FRK: variants seen among roughly 807,000 people sequenced by gnomAD.
The protein encoded by FRK is fyn related Src family tyrosine kinase.
FRK carries 51 observed loss-of-function variants against 56.4 expected under a neutral mutation model. That is an observed-to-expected ratio of 0.90 (90% CI 0.72 to 1.14). The LOEUF (loss-of-function observed/expected upper bound fraction) is 1.14, where lower values mean the gene tolerates loss of function less well. FRK is among the 50% of genes most tolerant of loss of function. The pLI is 0.00. For missense variants in FRK, 570 were observed against 601.4 expected (o/e 0.95, Z 0.55); for synonymous variants, 245 against 217.9 (o/e 1.12, Z -1.10).
chr6:116,053,689 C>T (rs986615078), intron 1 of FRK, among the ~76,000 whole-genome samples: 1 of 152,094 alleles, frequency 6.6e-6, no homozygotes, highest in South Asian at 2.1e-4. Context: ...TTATTTCACT[C>T]ACATAAGATT....
intron 1 of FRK, among the ~76,000 whole-genome samples, chr6:116,012,047 C>T (rs899497699): frequency 1.3e-5 from 2 of 152,154 alleles, no homozygotes; most frequent in Non-Finnish European, 2.9e-5. Flanking sequence ...CTCACCATAA[C>T]CCTTGTCTAA....
At chr6:116,064,943 T>C (rs1374874944), upstream of FRK, among the ~76,000 whole-genome samples, 1 of 152,212 alleles carries the variant, frequency 6.6e-6, no homozygotes, top group Admixed American at 6.5e-5. Flanking sequence ...TCTGATCCTG[T>C]ATCCTTTGCC....
chr6:115,972,217 T>G lies in FRK; in HGVS notation c.467-3478A>C, dbSNP rs78156904. On this transcript the variant is annotated intron_variant, in intron 2 of 7. Transcript: ENST00000606080. ...CCAAAACTCCTCCAGACTGTCCATCTACAGTGCCATGGCACTTTTGCTCAT... is the reference window on the plus strand; with the variant it reads ...CCAAAACTCCTCCAGACTGTCCATCGACAGTGCCATGGCACTTTTGCTCAT... Among the ~76,000 whole-genome samples, 935 of 152,326 alleles carry G rather than the reference T, an allele frequency of 6.1e-3. 11 individuals carry two copies. Among genetic ancestry groups the G allele is most frequent in the African/African-American group, 0.021 (871 of 41,566 alleles).
chr6:115,994,321 A>AACCCCC (rs1774744049), intron 2 of FRK, among the ~76,000 whole-genome samples: 1 of 47,774 alleles, frequency 2.1e-5, no homozygotes. Flanking sequence ...GAATCTCACA[A>AACCCCC]CCTCCCCCCC....
At chr6:116,037,634 C>A (rs1187632473) in intron 1 of FRK, among the ~76,000 whole-genome samples, 1 of 152,162 alleles carries the variant, frequency 6.6e-6, no homozygotes, top group Non-Finnish European at 1.5e-5. Flanking sequence ...ACTCGTAAAT[C>A]CCTTCTTATT....
At chr6:116,089,189 G>A in the FRK span, among the ~76,000 whole-genome samples, 1 of 152,148 alleles carries the variant, frequency 6.6e-6, no homozygotes, top group African/African-American at 2.4e-5. Flanking sequence ...AGATAAAAAG[G>A]CTTGGCTTAA....
chr6:116,055,631 A>G (rs764647514), intron 1 of FRK, among the ~76,000 whole-genome samples: 3 of 152,256 alleles, frequency 2.0e-5, no homozygotes, highest in Non-Finnish European at 4.4e-5. Context: ...TGTTTCACAC[A>G]TAAGTGTGGA....
At chr6:116,053,936 G>C (rs948062295) in intron 1 of FRK, among the ~76,000 whole-genome samples, 4 of 152,014 alleles carry the variant, frequency 2.6e-5, no homozygotes, top group Non-Finnish European at 4.4e-5. Flanking sequence ...TTAATTACTT[G>C]ACACAGGTAT....
chr6:116,040,057 T>C (rs548967626), intron 1 of FRK, among the ~76,000 whole-genome samples: 3 of 152,200 alleles, frequency 2.0e-5, no homozygotes, highest in African/African-American at 4.8e-5. Context: ...ATGATCTACA[T>C]ATTAAGGATT....
At chr6:116,072,043 G>T in the FRK span, among the ~76,000 whole-genome samples, 3 of 152,154 alleles carry the variant, frequency 2.0e-5, no homozygotes, top group Non-Finnish European at 4.4e-5. Context: ...ATGAAAAGAG[G>T]TACAGCCTGT....
chr6:116,078,526 G>C, the FRK span, among the ~76,000 whole-genome samples: 9 of 152,256 alleles, frequency 5.9e-5, no homozygotes, highest in South Asian at 1.9e-3. Flanking sequence ...GGTAGTGTTA[G>C]TTGTTTTAAT....
chr6:115,951,440 T>A (rs1439675749), intron 5 of FRK, among the ~76,000 whole-genome samples: 2 of 152,190 alleles, frequency 1.3e-5, no homozygotes, highest in African/African-American at 4.8e-5. Flanking sequence ...GTGTGACCTA[T>A]AATAGATGTT....
intron 2 of FRK, among the ~76,000 whole-genome samples, chr6:115,999,836 C>T (rs940093770): frequency 4.0e-4 from 61 of 152,158 alleles, no homozygotes; most frequent in African/African-American, 1.5e-3. Flanking sequence ...TCCTGTATAG[C>T]CTTCCCTCTG....
At chr6:116,072,394 A>G in the FRK span, among the ~76,000 whole-genome samples, 1 of 152,184 alleles carries the variant, frequency 6.6e-6, no homozygotes, top group African/African-American at 2.4e-5. Flanking sequence ...ATTGCTGTTC[A>G]AAGATATTTC....
chr6:115,942,997 C>A, intron 7 of FRK, 23 bp downstream of exon 7: 1 of 1,599,704 alleles, frequency 6.3e-7, no homozygotes, highest in South Asian at 1.1e-5. Context: ...GCAGAAAGGT[C>A]CACTTCAGAA....
the FRK span, among the ~76,000 whole-genome samples, chr6:116,082,599 C>T: frequency 6.6e-6 from 1 of 152,034 alleles, no homozygotes; most frequent in African/African-American, 2.4e-5. Context: ...GATGTAAGAG[C>T]AAGAAAGGAA....
intron 1 of FRK, among the ~76,000 whole-genome samples, chr6:116,030,224 A>G (rs1776250047): frequency 1.3e-5 from 2 of 152,100 alleles, no homozygotes; most frequent in Non-Finnish European, 2.9e-5. Context: ...ATCCTTAGTC[A>G]GGGACAGAGG....
At chr6:116,072,090 G>A in the FRK span, among the ~76,000 whole-genome samples, 1 of 152,254 alleles carries the variant, frequency 6.6e-6, no homozygotes, top group East Asian at 1.9e-4. Context: ...TAGAGCATTA[G>A]ATAGCATTAG....
At chr6:116,025,356 T>C (rs1408387358) in intron 1 of FRK, among the ~76,000 whole-genome samples, 1 of 152,208 alleles carries the variant, frequency 6.6e-6, no homozygotes, top group Non-Finnish European at 1.5e-5. Context: ...GGAAAAGATA[T>C]ATTCAGATTG....
Sources: allele counts gnomAD v4.1 joint callset (sites outside exome capture counted in the v4.1 genomes callset), GRCh38; gene constraint gnomAD v4.1.1; transcripts MANE v1.5; gene names NCBI Gene and HGNC (gene_info 2026-07-23, HGNC 2026-07-21).